DLGAP2: variants seen among roughly 807,000 people sequenced by gnomAD.
DLGAP2 encodes the protein disks large-associated protein 2.
DLGAP2 carries 26 observed loss-of-function variants against 100.3 expected under a neutral mutation model. The observed-to-expected ratio is 0.26, with a 90% CI of 0.19 to 0.36. The LOEUF is 0.36. Ranked by LOEUF, DLGAP2 falls within the 10% of genes least tolerant of loss-of-function variation. DLGAP2 has a pLI of 1.00. For missense variants in DLGAP2, 1,858 were observed against 1,453.2 expected (o/e 1.28, Z -4.53); for synonymous variants, 886 against 630.1 (o/e 1.41, Z -6.08).
At chr8:1,408,100 A>G (rs1049670058) in intron 3 of DLGAP2, among the ~76,000 whole-genome samples, 1 of 152,240 alleles carries the variant, frequency 6.6e-6, no homozygotes, top group Non-Finnish European at 1.5e-5. Context: ...TCCTGAGAAC[A>G]GCTGGTCTTC....
At chr8:1,596,223 T>G (rs1796455816) in intron 6 of DLGAP2, among the ~76,000 whole-genome samples, 1 of 152,254 alleles carries the variant, frequency 6.6e-6, no homozygotes, top group African/African-American at 2.4e-5. Flanking sequence ...TATGGCTGCA[T>G]AGTATTCCAT....
intron 1 of DLGAP2, among the ~76,000 whole-genome samples, chr8:863,732 C>A (rs1797438060): frequency 6.6e-6 from 1 of 152,310 alleles, no homozygotes; most frequent in Middle Eastern, 3.4e-3. Context: ...CAGCAGATGC[C>A]AGTGCGGATG....
chr8:1,291,379 G>A (rs1800054716), intron 3 of DLGAP2, among the ~76,000 whole-genome samples: 1 of 152,050 alleles, frequency 6.6e-6, no homozygotes, highest in Non-Finnish European at 1.5e-5. Flanking sequence ...TCTATCATGG[G>A]CATTACTCTC....
rs1563052116 is a variant in DLGAP2 at position 1,267,628 on chromosome 8, AT to A, written c.106+8747del. Among the ~76,000 whole-genome samples the A allele has an allele frequency of 4.8e-3, 101 of 20,904 alleles. 5 individuals are homozygous for A. The highest frequency in any genetic ancestry group is 0.017 in the African/African-American group (96 of 5,770). 13.7% of individuals were successfully genotyped at this position (20,904 alleles called of 152,430 possible). The stretch of plus-strand genomic sequence containing the variant: ...TAAGATAAGATAAGATAAGATAAAT[AT>A]TAAATAGGTCTACAAAAAGGCCTCC... On this transcript the variant is annotated intron_variant, in intron 3 of 14. Coordinates refer to ENST00000637795, the MANE Select transcript of DLGAP2 (RefSeq NM_001346810.2).
At chr8:1,162,388 A>G (rs984714931) in intron 2 of DLGAP2, among the ~76,000 whole-genome samples, 1 of 152,226 alleles carries the variant, frequency 6.6e-6, no homozygotes, top group Non-Finnish European at 1.5e-5. Context: ...TCTTAGGTAG[A>G]AGAGAAAGAA....
At chr8:1,296,093 C>T (rs911403509) in intron 3 of DLGAP2, 1 of 152,132 alleles carries the variant, frequency 6.6e-6, no homozygotes, top group Non-Finnish European at 1.5e-5. Context: ...GCCTGTAAAC[C>T]TTTCCCGAGT....
Position 948,841 on chromosome 8 carries a change from C to T in DLGAP2, c.73+40875C>T, listed in dbSNP as rs575214921. On this transcript the variant is annotated intron_variant, in intron 2 of 14. Transcript: ENST00000637795. ...AACACCTCATGCTTTGGAGCAGAGG[C>T]GCGTCCTGGCCTGAAGCCACTCGGG... Among the ~76,000 whole-genome samples, 242 of 152,178 alleles carry T rather than the reference C, an allele frequency of 1.6e-3. 1 individual carries two copies. The highest frequency in any genetic ancestry group is 5.4e-3 in the African/African-American group (225 of 41,412).
chr8:842,044 T>A (rs1796993147), intron 1 of DLGAP2, among the ~76,000 whole-genome samples: 1 of 152,172 alleles, frequency 6.6e-6, no homozygotes, highest in African/African-American at 2.4e-5. Context: ...TGCTCCCCTG[T>A]GTCCTGCATT....
chr8:1,683,389 T>TC (rs1799009301), intron 12 of DLGAP2, among the ~76,000 whole-genome samples: 1 of 151,490 alleles, frequency 6.6e-6, no homozygotes, highest in African/African-American at 2.4e-5. Context: ...AAGATCTTCA[T>TC]GTCAGCACTG....
chr8:858,529 ACG>A (rs1797325805), intron 1 of DLGAP2, among the ~76,000 whole-genome samples: 1 of 152,056 alleles, frequency 6.6e-6, no homozygotes, highest in African/African-American at 2.4e-5. Flanking sequence ...CACCGTGGGC[ACG>A]TGTAATGCTG....
chr8:1,256,651 A>G (rs974163465), intron 2 of DLGAP2, among the ~76,000 whole-genome samples: 1 of 150,162 alleles, frequency 6.7e-6, no homozygotes, highest in African/African-American at 2.5e-5. Context: ...CTGCAATCAG[A>G]TGCCCGCGTG....
At chr8:1,065,165 C>T (rs1803207415) in intron 2 of DLGAP2, among the ~76,000 whole-genome samples, 1 of 152,218 alleles carries the variant, frequency 6.6e-6, no homozygotes, top group Non-Finnish European at 1.5e-5. Context: ...CCCTGAGCTT[C>T]TGTGCACACA....
In DLGAP2 at chr8:1,287,994, GTGTT is replaced by G. The variant is rs1191163473; in HGVS notation, c.106+29115_106+29118del. ...GAACTAGTTTCGGTTGAGTGTGTGT[GTGTT>G]TGTGTGGTTCTGTTAGGGGGACTAG... On this transcript the variant is annotated intron_variant, in intron 3 of 14. Transcript: ENST00000637795. Among the ~76,000 whole-genome samples, 68 of 48,396 alleles carry G rather than the reference GTGTT, an allele frequency of 1.4e-3. 3 individuals carry two copies. Among genetic ancestry groups the G allele is most frequent in the Admixed American group, 4.9e-3 (22 of 4,502 alleles). The allele number at this position is 48,396 out of a possible 152,430, so 31.7% of individuals were successfully genotyped here.
At chr8:1,175,594 C>G (rs757856719) in intron 2 of DLGAP2, among the ~76,000 whole-genome samples, 20 of 152,196 alleles carry the variant, frequency 1.3e-4, no homozygotes, top group Non-Finnish European at 1.9e-4. Flanking sequence ...AGGAACATGA[C>G]TAAATGCCAG....
At chr8:1,179,340 C>A (rs1004554363) in intron 2 of DLGAP2, among the ~76,000 whole-genome samples, 1 of 152,256 alleles carries the variant, frequency 6.6e-6, no homozygotes, top group Admixed American at 6.5e-5. Flanking sequence ...TGGCCAGGCA[C>A]CAGCTGAGGC....
intron 3 of DLGAP2, among the ~76,000 whole-genome samples, chr8:1,312,081 A>T (rs1459639377): frequency 6.6e-6 from 1 of 152,236 alleles, no homozygotes; most frequent in Non-Finnish European, 1.5e-5. Context: ...AGGCTACTTC[A>T]TCCAACAGCA....
intron 6 of DLGAP2, among the ~76,000 whole-genome samples, chr8:1,567,790 G>A (rs1159119694): frequency 2.0e-5 from 3 of 152,194 alleles, no homozygotes; most frequent in African/African-American, 2.4e-5. Context: ...GCGGAAGGAT[G>A]TGAGCCTGAG....
intron 2 of DLGAP2, among the ~76,000 whole-genome samples, chr8:980,433 G>A (rs912478067): frequency 2.6e-5 from 4 of 152,234 alleles, no homozygotes; most frequent in Non-Finnish European, 5.9e-5. Context: ...TAAACTGCAT[G>A]TAATCAGCCA....
intron 1 of DLGAP2, among the ~76,000 whole-genome samples, chr8:871,049 C>T (rs930588684): frequency 2.0e-5 from 3 of 152,202 alleles, no homozygotes; most frequent in Non-Finnish European, 2.9e-5. Flanking sequence ...CTTAACCTTC[C>T]CTGAGATGTT....
Sources: allele counts gnomAD v4.1 joint callset (sites outside exome capture counted in the v4.1 genomes callset), GRCh38; gene constraint gnomAD v4.1.1; transcripts MANE v1.5; gene names NCBI Gene and HGNC (gene_info 2026-07-23, HGNC 2026-07-21).